Variants in NUDT3 observed in about 807,000 individuals in gnomAD.
NUDT3 encodes the protein diphosphoinositol polyphosphate phosphohydrolase 1.
A neutral mutation model predicts 23.6 loss-of-function variants in NUDT3; 9 were observed. The observed-to-expected ratio is 0.38, with a 90% CI of 0.23 to 0.66. NUDT3 has a LOEUF of 0.66. Among genes scored for constraint, NUDT3 ranks in the 30% least tolerant of loss-of-function variants. The pLI is 0.52. For synonymous variants in NUDT3, 86 were observed against 82.6 expected, an observed-to-expected ratio of 1.04 and a Z score of -0.22; for missense variants, 172 against 218.5, an observed-to-expected ratio of 0.79 and a Z score of 1.34.
At position 34,351,694 on chromosome 6, in the gene NUDT3, T is replaced by A. The variant is rs552056509; in HGVS notation, c.100-9722A>T. ...AGGTGGAGGTTGCAGTGAGCCGAGA[T>A]CGCACCATTGCATTCCAGCCTGTGC... On this transcript the variant is annotated intron_variant, in intron 1 of 4. Transcript: ENST00000607016. 7.8e-4 allele frequency among the ~76,000 whole-genome samples: 105 copies of A among 133,814 alleles called. 3 individuals carry two copies. The Middle Eastern group carries it at 0.013, about 17-fold the overall frequency. The allele number at this position is 133,814 out of a possible 152,430, so 87.8% of individuals were successfully genotyped here. A position where few individuals can be genotyped will look rare whatever the true frequency, so the allele number is the denominator to read the frequency against.
chr6:34,338,646 A>G (rs892350129), intron 2 of NUDT3, among the ~76,000 whole-genome samples: 19 of 152,206 alleles, frequency 1.2e-4, no homozygotes, highest in African/African-American at 3.6e-4. Context: ...GGATTCTGTC[A>G]CAGCTTCACT....
At chr6:34,348,822 T>C (rs912033973) in intron 1 of NUDT3, among the ~76,000 whole-genome samples, 2 of 147,718 alleles carry the variant, frequency 1.4e-5, no homozygotes, top group South Asian at 2.1e-4. Context: ...ACTTGGGGAG[T>C]AGGGGATGCA....
At position 34,341,352 on chromosome 6, in the gene NUDT3, A is replaced by G. The variant is rs1341043190; in HGVS notation, c.210+510T>C. ...CATGGCCCAGGAACTCAACACATGT[A>G]TGTGGAACATCATGTGACTAAATAA... On this transcript the variant is annotated intron_variant, in intron 2 of 4. Transcript: ENST00000607016. Among the ~76,000 whole-genome samples the G allele has an allele frequency of 5.9e-5, 9 of 152,102 alleles. No individual in the cohort carries two copies. In the East Asian group the frequency reaches 1.7e-3, roughly 29 times the overall value.
chr6:34,305,043 C>T (rs1016843062), intron 2 of NUDT3, among the ~76,000 whole-genome samples: 4 of 132,986 alleles, frequency 3.0e-5, no homozygotes, highest in Non-Finnish European at 4.6e-5. Flanking sequence ...AGAGCAATGG[C>T]GTGATACTGG....
At position 34,369,600 on chromosome 6, in the gene NUDT3, T is replaced by C. The variant is rs562051447; in HGVS notation, c.99+22664A>G. 3.9e-5 allele frequency among the ~76,000 whole-genome samples: 6 copies of C among 152,282 alleles called. 1 individual carries two copies. The highest frequency in any genetic ancestry group is 1.4e-4 in the African/African-American group (6 of 41,562). On this transcript the variant is annotated intron_variant, in intron 1 of 4. Transcript: ENST00000607016. ...GTACTAGGAAGGAAATTAAAGACCATGATGTGACAGTGTGTGACTTAAGAG... is the reference window on the plus strand; with the variant it reads ...GTACTAGGAAGGAAATTAAAGACCACGATGTGACAGTGTGTGACTTAAGAG...
chr6:34,368,343 T>C (rs939343940), intron 1 of NUDT3, among the ~76,000 whole-genome samples: 10 of 152,208 alleles, frequency 6.6e-5, no homozygotes, highest in Non-Finnish European at 1.5e-4. Flanking sequence ...AGAAGGCCTA[T>C]CTCTTTACAA....
intron 1 of NUDT3, among the ~76,000 whole-genome samples, chr6:34,370,608 T>C (rs1263868176): frequency 1.3e-5 from 2 of 152,220 alleles, no homozygotes; most frequent in Non-Finnish European, 2.9e-5. Context: ...GGGAAACCAA[T>C]GTCCAACTTC....
At chr6:34,391,164 G>A (rs1765192812) in intron 1 of NUDT3, among the ~76,000 whole-genome samples, 1 of 152,038 alleles carries the variant, frequency 6.6e-6, no homozygotes, top group Admixed American at 6.6e-5. Context: ...TGTCTCTTTC[G>A]CCACAGCTTC....
chr6:34,353,527 G>A (rs975506105), intron 1 of NUDT3, among the ~76,000 whole-genome samples: 6 of 149,876 alleles, frequency 4.0e-5, no homozygotes, highest in Non-Finnish European at 5.9e-5. Context: ...TCAGCCTCCC[G>A]AGTAGCTGGG....
intron 1 of NUDT3, among the ~76,000 whole-genome samples, chr6:34,353,329 G>T (rs1764506963): frequency 6.6e-6 from 1 of 151,968 alleles, no homozygotes; most frequent in Non-Finnish European, 1.5e-5. Context: ...TTTCAAACAT[G>T]CATAAAAGCA....
chr6:34,359,954 T>C (rs1213286023), intron 1 of NUDT3, among the ~76,000 whole-genome samples: 3 of 152,120 alleles, frequency 2.0e-5, no homozygotes, highest in Admixed American at 6.5e-5. Context: ...GGGTGTGACA[T>C]GTTAAAACTA....
chr6:34,325,787 C>T (rs993225159), intron 2 of NUDT3, among the ~76,000 whole-genome samples: 8 of 152,284 alleles, frequency 5.3e-5, no homozygotes, highest in Non-Finnish European at 1.2e-4. Flanking sequence ...ATAAAAATAT[C>T]TGTCTTCTTA....
At chr6:34,329,341 C>T (rs1456842622) in intron 2 of NUDT3, among the ~76,000 whole-genome samples, 4 of 152,138 alleles carry the variant, frequency 2.6e-5, no homozygotes, top group Non-Finnish European at 4.4e-5. Context: ...GGTGCAATGG[C>T]GCGATCTCAG....
chr6:34,286,864 C>T lies in NUDT3; in HGVS notation c.*1889G>A, dbSNP rs1127084. The T allele has an allele frequency of 0.096, 14,293 of 148,326 alleles. 784 individuals are homozygous for T. The highest frequency in any genetic ancestry group is 0.12 in the Non-Finnish European group (8,109 of 67,442). The allele number at this position is 148,326 out of a possible 1,614,324, so 9.2% of individuals were successfully genotyped here. On this transcript the variant is annotated 3_prime_UTR_variant, in exon 5 of 5. Coordinates refer to ENST00000607016, the MANE Select transcript of NUDT3 (RefSeq NM_006703.4). ...GGACGACAGTGGTGCAATCTCGGCT[C>T]ACTGCAACCTCTGCCTCCCAGGTTC...
intron 2 of NUDT3, among the ~76,000 whole-genome samples, chr6:34,322,630 C>G (rs1030467750): frequency 7.9e-5 from 12 of 152,294 alleles, no homozygotes; most frequent in African/African-American, 2.6e-4. Flanking sequence ...ATACAAGCAA[C>G]AGTAATGTGT....
intron 4 of NUDT3, among the ~76,000 whole-genome samples, chr6:34,292,569 C>T (rs1472842163): frequency 6.6e-6 from 1 of 151,374 alleles, no homozygotes; most frequent in African/African-American, 2.4e-5. Context: ...TGTAAAAGTT[C>T]ATAAATTTTA....
In NUDT3 at chr6:34,392,581, C is replaced by T. The variant is rs566489278; in HGVS notation, c.-219G>A. 9.9e-4 allele frequency: 333 copies of T among 336,082 alleles called. No individual in the cohort carries two copies. The highest frequency in any genetic ancestry group is 6.8e-3 in the African/African-American group (313 of 46,068). The allele number at this position is 336,082 out of a possible 1,614,324, so 20.8% of individuals were successfully genotyped here. A position where few individuals can be genotyped will look rare whatever the true frequency, so the allele number is the denominator to read the frequency against. ...GCTGCCACCGTCACGGCTGCCGTCT[C>T]CGCTGCCGCCAGGGCCGCCGCCCCC... On this transcript the variant is annotated 5_prime_UTR_variant, in exon 1 of 5. Coordinates refer to ENST00000607016, the MANE Select transcript of NUDT3 (RefSeq NM_006703.4).
chr6:34,338,832 T>C lies in NUDT3; in HGVS notation c.210+3030A>G, dbSNP rs141336425. Among the ~76,000 whole-genome samples, 131 of 152,344 alleles carry C rather than the reference T, an allele frequency of 8.6e-4. 4 individuals are homozygous for C. The East Asian group carries it at 0.023, about 26-fold the overall frequency. ...GAATGTCTGATACAACTAAAGCAGC[T>C]GTTATCATTCACAGGGAATCTGGTT... On this transcript the variant is annotated intron_variant, in intron 2 of 4. Coordinates refer to ENST00000607016, the MANE Select transcript of NUDT3 (RefSeq NM_006703.4).
intron 2 of NUDT3, among the ~76,000 whole-genome samples, chr6:34,305,967 C>T (rs1330532270): frequency 6.6e-6 from 1 of 152,170 alleles, no homozygotes; most frequent in Non-Finnish European, 1.5e-5. Flanking sequence ...TCCTTCCATG[C>T]ATGCTTGAAA....
Sources: gnomAD v4.1 joint callset for allele counts (sites outside exome capture counted in the v4.1 genomes callset) on GRCh38, gnomAD v4.1.1 for gene constraint, MANE v1.5 for transcripts, NCBI Gene and HGNC (gene_info 2026-07-23, HGNC 2026-07-21) for gene names.